PLEKHA6: variants seen among roughly 807,000 people sequenced by gnomAD.
The protein encoded by PLEKHA6 is pleckstrin homology domain-containing family A member 6.
Under a neutral mutation model 116.7 loss-of-function variants are expected in PLEKHA6, and 60 were observed. That is an observed-to-expected ratio of 0.51 (90% CI 0.42 to 0.64). PLEKHA6 has a LOEUF of 0.64. PLEKHA6 is among the 30% of genes least tolerant of loss of function. PLEKHA6 has a pLI of 0.00. For missense variants in PLEKHA6, 1,338 were observed against 1,422.7 expected (o/e 0.94, Z 0.96); for synonymous variants, 489 against 556.1 (o/e 0.88, Z 1.70).
rs1665889463 is a variant in PLEKHA6, at chr1:204,259,882, G to A, written c.525-142C>T. 4.8e-6 allele frequency: 4 copies of A among 841,034 alleles called. No individual in the cohort carries two copies. The highest frequency in any genetic ancestry group is 7.2e-6 in the Non-Finnish European group (4 of 557,076). The allele number at this position is 841,034 out of a possible 1,614,324, so 52.1% of individuals were successfully genotyped here. A position where few individuals can be genotyped will look rare whatever the true frequency, so the allele number is the denominator to read the frequency against. ...CCAGGATTCTATGAACTCCAGTTCT[G>A]CTTCCTAAGTCCCACCCCTTCACCT... On this transcript the variant is annotated intron_variant, in intron 7 of 22. Coordinates refer to ENST00000272203, the MANE Select transcript of PLEKHA6 (RefSeq NM_014935.5). The surrounding 1 kb of genome is among the most constrained non-coding windows in gnomAD (Gnocchi z 4.6).
intron 1 of PLEKHA6, among the ~76,000 whole-genome samples, chr1:204,320,810 G>A (rs1672034787): frequency 6.6e-6 from 1 of 152,150 alleles, no homozygotes; most frequent in Non-Finnish European, 1.5e-5. Context: ...ATGGGGAGTG[G>A]GAGAGAGGGG....
At chr1:204,236,698 T>C (rs1243334236) in intron 17 of PLEKHA6, among the ~76,000 whole-genome samples, 1 of 152,182 alleles carries the variant, frequency 6.6e-6, no homozygotes, top group Non-Finnish European at 1.5e-5. Context: ...TAGAGCTCTG[T>C]CATTGGCTAA....
At chr1:204,364,752 G>A (rs1339381273), upstream of PLEKHA6, among the ~76,000 whole-genome samples, 2 of 152,126 alleles carry the variant, frequency 1.3e-5, no homozygotes, top group Non-Finnish European at 1.5e-5. Context: ...CTCGAAGTGT[G>A]GGCCCCAGAG....
intron 1 of PLEKHA6, among the ~76,000 whole-genome samples, chr1:204,293,737 T>C (rs774544308): frequency 8.5e-5 from 13 of 152,214 alleles, no homozygotes; most frequent in Non-Finnish European, 1.5e-4. Context: ...GTAAGACATT[T>C]TGTACCTAAG....
At chr1:204,287,616 C>T (rs1572076127) in intron 1 of PLEKHA6, among the ~76,000 whole-genome samples, 1 of 152,280 alleles carries the variant, frequency 6.6e-6, no homozygotes, top group East Asian at 1.9e-4. Flanking sequence ...TCTCACCACA[C>T]CTGACTCTGC....
intron 1 of PLEKHA6, among the ~76,000 whole-genome samples, chr1:204,327,533 G>A (rs537562915): frequency 3.9e-5 from 6 of 152,374 alleles, no homozygotes; most frequent in Admixed American, 2.0e-4. Flanking sequence ...TGAGAGCCCC[G>A]TCGTTGATTG....
chr1:204,292,406 G>A (rs537672429), intron 1 of PLEKHA6, among the ~76,000 whole-genome samples: 18 of 152,288 alleles, frequency 1.2e-4, no homozygotes, highest in South Asian at 4.1e-4. Context: ...ACCTCAGTCC[G>A]AAGCTCTTTC....
chr1:204,283,686 G>A (rs1420077404), intron 1 of PLEKHA6, among the ~76,000 whole-genome samples: 1 of 152,208 alleles, frequency 6.6e-6, no homozygotes, highest in Admixed American at 6.5e-5. Context: ...GGTTCAGGGG[G>A]AGATGCCAGC....
At chr1:204,230,995 G>A (rs964892562) in intron 17 of PLEKHA6, among the ~76,000 whole-genome samples, 1 of 152,166 alleles carries the variant, frequency 6.6e-6, no homozygotes, top group East Asian at 1.9e-4. Flanking sequence ...AGCCAACCCT[G>A]CCACCACCTG....
At chr1:204,279,283 G>A (rs1167918185) in intron 1 of PLEKHA6, among the ~76,000 whole-genome samples, 2 of 152,194 alleles carry the variant, frequency 1.3e-5, no homozygotes, top group South Asian at 2.1e-4. Context: ...GAGTAGGAAC[G>A]AAGGAAGGCT....
Position 204,230,427 on chromosome 1 carries a change from G to T in PLEKHA6, c.2569C>A (p.Pro857Thr). The change falls in exon 18 of 23, where the codon CCA becomes ACA. Residue 857 changes from proline (P) to threonine (T), a missense_variant. Pro to Thr is a conservative substitution (Grantham distance 38). Transcript: ENST00000272203. Reference protein sequence around the residue: ...ASPAPDPSPRPAYKVVRRHRS... With the variant: ...ASPAPDPSPRTAYKVVRRHRS... The stretch of plus-strand genomic sequence containing the variant: ...GAAGGCATTACCACTTTGTAGGCTG[G>T]CCGGGGACTGGGGTCGGGGGCCGGG... 1.3e-6 allele frequency: 2 copies of T among 1,581,666 alleles called. No homozygotes were observed. The highest frequency in any genetic ancestry group is 2.3e-5 in the East Asian group (1 of 43,932).
intron 1 of PLEKHA6, among the ~76,000 whole-genome samples, chr1:204,289,679 C>T (rs1669552583): frequency 6.6e-6 from 1 of 152,230 alleles, no homozygotes; most frequent in African/African-American, 2.4e-5. Flanking sequence ...TCCTTCCCAT[C>T]CTTTACAGTC....
Position 204,265,854 on chromosome 1 carries a change from T to G in PLEKHA6, c.281-812A>C, listed in dbSNP as rs1666745076. On this transcript the variant is annotated intron_variant, in intron 5 of 22. Coordinates refer to ENST00000272203, the MANE Select transcript of PLEKHA6 (RefSeq NM_014935.5). ...TGGGATTGGGCTAACAGTCCAGCTA[T>G]TACATAATTCATCCCGGATCTCCAA... 2.0e-5 allele frequency among the ~76,000 whole-genome samples: 3 copies of G among 152,296 alleles called. No individual in the cohort carries two copies. In the South Asian group the frequency reaches 6.2e-4, roughly 32 times the overall value.
chr1:204,298,995 A>G (rs939422165), intron 1 of PLEKHA6, among the ~76,000 whole-genome samples: 2 of 152,228 alleles, frequency 1.3e-5, no homozygotes, highest in South Asian at 2.1e-4. Context: ...GGCAAAGACC[A>G]TATCTGTGGC....
intron 1 of PLEKHA6, among the ~76,000 whole-genome samples, chr1:204,285,830 A>T (rs1394565785): frequency 1.3e-5 from 2 of 152,190 alleles, no homozygotes; most frequent in Admixed American, 6.5e-5. Flanking sequence ...TTGGAGAAGG[A>T]AGAAGAGTTG....
intron 1 of PLEKHA6, among the ~76,000 whole-genome samples, chr1:204,314,551 G>T (rs1485305850): frequency 1.3e-5 from 2 of 152,160 alleles, no homozygotes; most frequent in African/African-American, 4.8e-5. Context: ...GAGACTGGAG[G>T]GGAATAGACA....
chr1:204,245,991 G>A (rs1663609932), intron 13 of PLEKHA6, among the ~76,000 whole-genome samples: 1 of 152,132 alleles, frequency 6.6e-6, no homozygotes, highest in Admixed American at 6.5e-5. Context: ...GCACCCTTCC[G>A]AGCTCCCTCA....
At chr1:204,253,844 A>AC (rs1056531617) in intron 9 of PLEKHA6, among the ~76,000 whole-genome samples, 30 of 150,642 alleles carry the variant, frequency 2.0e-4, no homozygotes, top group Non-Finnish European at 3.5e-4. Context: ...AAAAAAAAAA[A>AC]AAAAAACAAA....
intron 1 of PLEKHA6, 163 bp from the exon 2 acceptor site, chr1:204,274,972 G>A (rs1667852042): frequency 1.9e-6 from 1 of 516,652 alleles, no homozygotes; most frequent in African/African-American, 2.2e-5. Flanking sequence ...CTGACATCTG[G>A]ATGAGGGTGG....
Sources: gnomAD v4.1 joint callset for allele counts (sites outside exome capture counted in the v4.1 genomes callset) on GRCh38, gnomAD v4.1.1 for gene constraint, Gnocchi (gnomAD v3.1) non-coding constraint, MANE v1.5 for transcripts, NCBI Gene and HGNC (gene_info 2026-07-23, HGNC 2026-07-21) for gene names.